KCNQ1: variants seen among roughly 807,000 people sequenced by gnomAD.
The protein encoded by KCNQ1 is potassium voltage-gated channel subfamily Q member 1.
In KCNQ1, 49 loss-of-function variants were observed where a neutral mutation model predicts 72.4. That is an observed-to-expected ratio of 0.68 (90% CI 0.54 to 0.86). The LOEUF (loss-of-function observed/expected upper bound fraction) is 0.86. Ranked by LOEUF, KCNQ1 falls within the 40% of genes least tolerant of loss-of-function variation. The probability of loss-of-function intolerance (pLI) is 0.00; values close to 1 mark genes in which losing one functional copy is unlikely to be tolerated. For missense variants in KCNQ1, 790 were observed against 945.1 expected (o/e 0.84, Z 2.15); for synonymous variants, 450 against 412.6 (o/e 1.09, Z -1.10).
At position 2,626,984 on chromosome 11, in the gene KCNQ1, T is replaced by C. The variant is rs1181650568; in HGVS notation, c.1394-34977T>C. ...AACATCATTAGGATTTTTATTGGGA[T>C]TACCTTGGATTTGTAGATTGTTTTG... On this transcript the variant is annotated intron_variant, in intron 10 of 15. Coordinates refer to ENST00000155840, the MANE Select transcript of KCNQ1 (RefSeq NM_000218.3). This position sits in a 1 kb window ranked among gnomAD's most constrained non-coding sequence, Gnocchi z 4.0. The C allele has an allele frequency of 2.5e-6, 1 of 398,490 alleles. No homozygotes were observed. The highest frequency in any genetic ancestry group is 4.4e-6 in the Non-Finnish European group (1 of 226,062). 24.7% of individuals were successfully genotyped at this position (398,490 alleles called of 1,614,324 possible).
rs1849799708 is a variant in KCNQ1 at position 2,654,116 on chromosome 11, G to A, written c.1394-7845G>A. 2.5e-6 allele frequency: 1 copy of A among 398,784 alleles called. No individual in the cohort carries two copies. The highest frequency in any genetic ancestry group is 4.4e-6 in the Non-Finnish European group (1 of 226,170). The allele number at this position is 398,784 out of a possible 1,614,324, so 24.7% of individuals were successfully genotyped here. On this transcript the variant is annotated intron_variant, in intron 10 of 15. Transcript: ENST00000155840. This position sits in a 1 kb window ranked among gnomAD's most constrained non-coding sequence, Gnocchi z 6.4. ...TTCTCGCCTCTGAGTGGAGACACAG[G>A]TGGTGGCGGGGCCACTCTGGCTCAG...
At position 2,787,035 on chromosome 11, in the gene KCNQ1, T is replaced by C. The variant is rs1210169530; in HGVS notation, c.1794+8998T>C. 6.6e-6 allele frequency among the ~76,000 whole-genome samples: 1 copy of C among 151,368 alleles called. No homozygotes were observed. Among genetic ancestry groups the C allele is most frequent in the Non-Finnish European group, 1.5e-5 (1 of 67,854 alleles). On this transcript the variant is annotated intron_variant, in intron 15 of 15. Coordinates refer to ENST00000155840, the MANE Select transcript of KCNQ1 (RefSeq NM_000218.3). This position sits in a 1 kb window ranked among gnomAD's most constrained non-coding sequence, Gnocchi z 6.3. ...GAAGTCTGGTGTGAAGTTGGGGTCC[T>C]CAGGGAGGAATCATGTTTACCCCTT...
chr11:2,489,995 T>C (rs890771755), intron 1 of KCNQ1, among the ~76,000 whole-genome samples: 2 of 152,212 alleles, frequency 1.3e-5, no homozygotes, highest in Non-Finnish European at 2.9e-5. Context: ...GCCTTGGCTC[T>C]TGGACAGCAT....
In KCNQ1 at chr11:2,620,955, T is replaced by TTTC. The variant is rs1564836173; in HGVS notation, c.1393+32103_1393+32104insCTT. ...TTGTTGTTGTTTTGTTTTGTTTTTTTTTGTCTGTTTTTTGCTTTTTTGTTT... is the reference window on the plus strand; with the variant it reads ...TTGTTGTTGTTTTGTTTTGTTTTTTTTTCTTGTCTGTTTTTTGCTTTTTTGTTT... On this transcript the variant is annotated intron_variant, in intron 10 of 15. Coordinates refer to ENST00000155840, the MANE Select transcript of KCNQ1 (RefSeq NM_000218.3). This position sits in a 1 kb window ranked among gnomAD's most constrained non-coding sequence, Gnocchi z 4.5. 2 of 397,704 alleles carry TTTC rather than the reference T, an allele frequency of 5.0e-6. No individual in the cohort carries two copies. The highest frequency in any genetic ancestry group is 3.6e-5 in the East Asian group (1 of 28,058). The allele number at this position is 397,704 out of a possible 1,614,324, so 24.6% of individuals were successfully genotyped here.
chr11:2,825,903 A>G (rs1246415810), intron 15 of KCNQ1, among the ~76,000 whole-genome samples: 1 of 152,118 alleles, frequency 6.6e-6, no homozygotes, highest in Non-Finnish European at 1.5e-5. Context: ...CCCCACATTG[A>G]CAAGCTGGCT....
rs766485819 is a variant in KCNQ1 at position 2,557,534 on chromosome 11, G to A, written c.478-13094G>A. On this transcript the variant is annotated intron_variant, in intron 2 of 15. Coordinates refer to ENST00000155840, the MANE Select transcript of KCNQ1 (RefSeq NM_000218.3). Reference sequence around the variant, plus strand: ...CACAAATCTAGCACCTTCAAAATACGCATCACGCCTGAGCTCGCTAGCCTA... The same window carrying A: ...CACAAATCTAGCACCTTCAAAATACACATCACGCCTGAGCTCGCTAGCCTA... Among the ~76,000 whole-genome samples the A allele has an allele frequency of 2.4e-4, 37 of 152,184 alleles. 1 individual carries two copies. The highest frequency in any genetic ancestry group is 4.1e-4 in the South Asian group (2 of 4,826).
intron 15 of KCNQ1, chr11:2,840,105 G>A (rs1590123585): frequency 7.4e-6 from 1 of 135,044 alleles, no homozygotes; most frequent in African/African-American, 2.8e-5. Context: ...CCTGTTGACT[G>A]GAGGCCCTAC....
chr11:2,836,741 C>A (rs1006128215), intron 15 of KCNQ1, among the ~76,000 whole-genome samples: 6 of 152,238 alleles, frequency 3.9e-5, no homozygotes, highest in African/African-American at 1.4e-4. Flanking sequence ...CGCCTCGCCT[C>A]ACTCGTGCTA....
Position 2,643,919 on chromosome 11 carries a change from G to A in KCNQ1, c.1394-18042G>A, listed in dbSNP as rs1042642720. 4.1e-4 allele frequency: 163 copies of A among 398,504 alleles called. No homozygotes were observed. Among genetic ancestry groups the A allele is most frequent in the Middle Eastern group, 1.3e-3 (2 of 1,586 alleles). 24.7% of individuals were successfully genotyped at this position (398,504 alleles called of 1,614,324 possible). A position where few individuals can be genotyped will look rare whatever the true frequency, so the allele number is the denominator to read the frequency against. ...TTTGTTTTTTCTTTCAGCACTCTGC[G>A]TATATAATCCCATCCTCCTGGCCTG... On this transcript the variant is annotated intron_variant, in intron 10 of 15. Transcript: ENST00000155840.
At chr11:2,474,343 G>A (rs1394123068) in intron 1 of KCNQ1, among the ~76,000 whole-genome samples, 2 of 152,194 alleles carry the variant, frequency 1.3e-5, no homozygotes, top group African/African-American at 4.8e-5. Context: ...AGATGCCAGG[G>A]CAGTGAGGCT....
At position 2,620,090 on chromosome 11, in the gene KCNQ1, T is replaced by A; in HGVS notation, c.1393+31236T>A. The stretch of plus-strand genomic sequence containing the variant: ...TGTTTACTCAGTGTTTAGGTCCCAC[T>A]TGCAAGTGGTAACATGCAGTATTTG... On this transcript the variant is annotated intron_variant, in intron 10 of 15. Transcript: ENST00000155840. The surrounding 1 kb of genome is among the most constrained non-coding windows in gnomAD (Gnocchi z 4.5). 1 of 398,432 alleles carries A rather than the reference T, an allele frequency of 2.5e-6. No individual in the cohort carries two copies. The highest frequency in any genetic ancestry group is 4.4e-5 in the Admixed American group (1 of 22,724). 24.7% of individuals were successfully genotyped at this position (398,432 alleles called of 1,614,324 possible). A position where few individuals can be genotyped will look rare whatever the true frequency, so the allele number is the denominator to read the frequency against.
Position 2,676,134 on chromosome 11 carries a change from T to C in KCNQ1, c.1514+14053T>C, listed in dbSNP as rs568595146. 4 of 398,662 alleles carry C rather than the reference T, an allele frequency of 1.0e-5. No individual in the cohort carries two copies. Among genetic ancestry groups the C allele is most frequent in the Non-Finnish European group, 1.8e-5 (4 of 226,060 alleles). The allele number at this position is 398,662 out of a possible 1,614,324, so 24.7% of individuals were successfully genotyped here. On this transcript the variant is annotated intron_variant, in intron 11 of 15. Coordinates refer to ENST00000155840, the MANE Select transcript of KCNQ1 (RefSeq NM_000218.3). The surrounding 1 kb of genome is among the most constrained non-coding windows in gnomAD (Gnocchi z 4.2). Reference sequence around the variant, plus strand: ...TAGATACGGCTCCTTTTTATACAAATGGTAGCATACTGTATGTATTTTTCT... The same window carrying C: ...TAGATACGGCTCCTTTTTATACAAACGGTAGCATACTGTATGTATTTTTCT...
chr11:2,548,724 G>C (rs1367087725), intron 2 of KCNQ1, among the ~76,000 whole-genome samples: 1 of 152,260 alleles, frequency 6.6e-6, no homozygotes, highest in Non-Finnish European at 1.5e-5. Context: ...CCAGGTTTGT[G>C]TGTTTATGCG....
In KCNQ1 at chr11:2,598,824, C is replaced by A. The variant is rs979828239; in HGVS notation, c.1393+9970C>A. On this transcript the variant is annotated intron_variant, in intron 10 of 15. Coordinates refer to ENST00000155840, the MANE Select transcript of KCNQ1 (RefSeq NM_000218.3). This position sits in a 1 kb window ranked among gnomAD's most constrained non-coding sequence, Gnocchi z 6.2. Reference sequence around the variant, plus strand: ...TGCATTCTCTGTGCCTCAGTTTCCACATCTGTGAAATCAGGATCCTAACTG... The same window carrying A: ...TGCATTCTCTGTGCCTCAGTTTCCAAATCTGTGAAATCAGGATCCTAACTG... Among the ~76,000 whole-genome samples, 1 of 152,162 alleles carries A rather than the reference C, an allele frequency of 6.6e-6. No individual in the cohort carries two copies.
At chr11:2,480,787 G>A (rs1456226901) in intron 1 of KCNQ1, among the ~76,000 whole-genome samples, 2 of 151,462 alleles carry the variant, frequency 1.3e-5, no homozygotes, top group African/African-American at 4.8e-5. Flanking sequence ...TTTGACAACA[G>A]TACCACATGG....
Position 2,746,531 on chromosome 11 carries a change from C to T in KCNQ1, c.1515-22313C>T, listed in dbSNP as rs998828959. Among the ~76,000 whole-genome samples, 48 of 152,274 alleles carry T rather than the reference C, an allele frequency of 3.2e-4. No homozygotes were observed. Among genetic ancestry groups the T allele is most frequent in the African/African-American group, 9.4e-4 (39 of 41,538 alleles). ...CTCTCCTTGTTGGTGGTGACCTGGACGGTTCAGAGGAGGACAGGTCAGGTG... is the reference window on the plus strand; with the variant it reads ...CTCTCCTTGTTGGTGGTGACCTGGATGGTTCAGAGGAGGACAGGTCAGGTG... On this transcript the variant is annotated intron_variant, in intron 11 of 15. Coordinates refer to ENST00000155840, the MANE Select transcript of KCNQ1 (RefSeq NM_000218.3). The surrounding 1 kb of genome is among the most constrained non-coding windows in gnomAD (Gnocchi z 5.9).
At chr11:2,776,116 G>T (rs943594049) in intron 13 of KCNQ1, 62 bp downstream of exon 13, 8 of 1,390,458 alleles carry the variant, frequency 5.8e-6, no homozygotes, top group Non-Finnish European at 5.9e-6. Context: ...GGCCCCAGCT[G>T]CATGATCAGC....
chr11:2,699,637 C>CGGGGACAACCGCGCCGAAGAACCCCT (rs1850750282), intron 11 of KCNQ1: 1 of 353,826 alleles, frequency 2.8e-6, no homozygotes, highest in South Asian at 1.3e-4. Flanking sequence ...GAAGAACCCC[C>CGGGGACAACCGCGCCGAAGAACCCCT]GGGGACAACC....
chr11:2,629,877 A>G (rs945186973), intron 10 of KCNQ1: 8 of 398,034 alleles, frequency 2.0e-5, no homozygotes, highest in Admixed American at 1.8e-4. Context: ...AACAGAGACA[A>G]TTTTACTTCC....
Sources: gnomAD v4.1 joint callset for allele counts (sites outside exome capture counted in the v4.1 genomes callset) on GRCh38, gnomAD v4.1.1 for gene constraint, Gnocchi (gnomAD v3.1) non-coding constraint, MANE v1.5 for transcripts, NCBI Gene and HGNC (gene_info 2026-07-23, HGNC 2026-07-21) for gene names.